GALK2: variants seen among roughly 807,000 people sequenced by gnomAD.
GALK2 encodes N-acetylgalactosamine kinase.
In GALK2, 36 loss-of-function variants were observed where a neutral mutation model predicts 52.4. The observed-to-expected ratio is 0.69, with a 90% CI of 0.53 to 0.91. The LOEUF (loss-of-function observed/expected upper bound fraction) is 0.91. GALK2 is among the 40% of genes least tolerant of loss of function. The pLI is 0.00. For missense variants in GALK2, 579 were observed against 559.1 expected (o/e 1.04, Z -0.36); for synonymous variants, 176 against 199.1 (o/e 0.88, Z 0.98).
chr15:49,225,873 T>C (rs907967843), intron 3 of GALK2, among the ~76,000 whole-genome samples: 2 of 152,332 alleles, frequency 1.3e-5, no homozygotes, highest in African/African-American at 4.8e-5. Flanking sequence ...TCTGAGAAAG[T>C]ACTCAGGCTG....
chr15:49,164,532 G>A (rs2084756041), intron 1 of GALK2, among the ~76,000 whole-genome samples: 1 of 151,982 alleles, frequency 6.6e-6, no homozygotes, highest in East Asian at 1.9e-4. Flanking sequence ...TGTAATCGCA[G>A]CACTTTGGGA....
chr15:49,180,882 A>G (rs1490468250), intron 1 of GALK2, among the ~76,000 whole-genome samples: 1 of 152,032 alleles, frequency 6.6e-6, no homozygotes, highest in African/African-American at 2.4e-5. Context: ...CTTACGGCTC[A>G]TATCATATTC....
chr15:49,234,411 A>G (rs769489776), intron 3 of GALK2, among the ~76,000 whole-genome samples: 4 of 152,158 alleles, frequency 2.6e-5, no homozygotes, highest in Non-Finnish European at 4.4e-5. Context: ...TAAAGATGCT[A>G]TATTTCATGC....
chr15:49,184,704 A>T (rs2086222094), intron 1 of GALK2, among the ~76,000 whole-genome samples: 1 of 152,210 alleles, frequency 6.6e-6, no homozygotes, highest in Admixed American at 6.5e-5. Context: ...AACTGATATT[A>T]ACACCAATTA....
chr15:49,217,504 A>G (rs2089473112), intron 3 of GALK2, among the ~76,000 whole-genome samples, 191 bp downstream of exon 3: 1 of 152,240 alleles, frequency 6.6e-6, no homozygotes, highest in African/African-American at 2.4e-5. Context: ...AGGAATATTT[A>G]TCAAAGACTT....
At position 49,170,874 on chromosome 15, in the gene GALK2, A is replaced by T. The variant is rs746684269; in HGVS notation, c.53+499A>T. Among the ~76,000 whole-genome samples the T allele has an allele frequency of 2.0e-4, 31 of 152,224 alleles. 1 individual carries two copies. In the East Asian group the frequency reaches 5.8e-3, roughly 29 times the overall value. Reference sequence around the variant, plus strand: ...ATTTGCTGGCAGTCCCTAGCTACACAGTAACTAATAGTTTAGTGATGTCTC... The same window carrying T: ...ATTTGCTGGCAGTCCCTAGCTACACTGTAACTAATAGTTTAGTGATGTCTC... On this transcript the variant is annotated intron_variant, in intron 1 of 9. Transcript: ENST00000560031.
intron 2 of GALK2, among the ~76,000 whole-genome samples, chr15:49,208,147 T>G (rs2088480027): frequency 6.6e-6 from 1 of 152,242 alleles, no homozygotes; most frequent in African/African-American, 2.4e-5. Context: ...TGTTTCAATT[T>G]CACTTAGTTC....
intron 5 of GALK2, among the ~76,000 whole-genome samples, chr15:49,251,368 A>G (rs2091592531): frequency 1.3e-5 from 2 of 152,176 alleles, no homozygotes; most frequent in African/African-American, 2.4e-5. Flanking sequence ...TCATGCATTC[A>G]TGATAAAAAC....
chr15:49,344,357 T>A (rs113787067), intron 3 of GALK2: 25 of 152,338 alleles, frequency 1.6e-4, no homozygotes, highest in African/African-American at 5.8e-4. Context: ...AATTTATGCA[T>A]TCAAGTTTTA....
intron 5 of GALK2, among the ~76,000 whole-genome samples, chr15:49,257,745 T>C (rs929856223): frequency 2.6e-5 from 4 of 152,008 alleles, no homozygotes; most frequent in African/African-American, 9.7e-5. Context: ...TGGGTAGAAG[T>C]AGGAAATACA....
At chr15:49,200,734 A>G (rs957259678) in intron 1 of GALK2, among the ~76,000 whole-genome samples, 5 of 152,162 alleles carry the variant, frequency 3.3e-5, no homozygotes, top group Admixed American at 1.3e-4. Context: ...GTGTTAAGCC[A>G]TCCAGTTTAT....
intron 1 of GALK2, among the ~76,000 whole-genome samples, chr15:49,162,219 T>C (rs958537922): frequency 6.6e-6 from 1 of 152,238 alleles, no homozygotes; most frequent in East Asian, 1.9e-4. Context: ...TCAGGAATTT[T>C]ATATAAATGG....
intron 5 of GALK2, among the ~76,000 whole-genome samples, chr15:49,257,187 C>T (rs1007419217): frequency 2.6e-5 from 4 of 152,068 alleles, no homozygotes; most frequent in African/African-American, 7.2e-5. Flanking sequence ...TGCTGGGTTC[C>T]GCCTAGTTGC....
intron 3 of GALK2, chr15:49,365,008 A>G (rs1040644058): frequency 2.6e-5 from 12 of 459,014 alleles, no homozygotes; most frequent in Non-Finnish European, 4.3e-5. Flanking sequence ...ATAAAAATAT[A>G]TATTTGCAAA....
chr15:49,259,610 G>C (rs1010219249), intron 5 of GALK2, among the ~76,000 whole-genome samples: 3 of 144,148 alleles, frequency 2.1e-5, no homozygotes, highest in African/African-American at 7.7e-5. Context: ...TTAAGTTTTA[G>C]GGTACATGTG....
intron 2 of GALK2, among the ~76,000 whole-genome samples, chr15:49,205,649 A>G (rs1391975914): frequency 6.6e-6 from 1 of 152,142 alleles, no homozygotes; most frequent in Non-Finnish European, 1.5e-5. Context: ...TCAGATGTAT[A>G]GACTGTGAAG....
At position 49,320,501 on chromosome 15, in the gene GALK2, G is replaced by T. The variant is rs1356001477; in HGVS notation, c.1169+696G>T. ...CCCAGGAAGGAGCTCAGTGACCCTG[G>T]GAGAACTGAAACTGGGAAAGTTCTC... On this transcript the variant is annotated intron_variant, in intron 9 of 9. Coordinates refer to ENST00000560031, the MANE Select transcript of GALK2 (RefSeq NM_002044.4). Among the ~76,000 whole-genome samples the T allele has an allele frequency of 2.0e-5, 3 of 152,176 alleles. No individual in the cohort carries two copies. In the East Asian group the frequency reaches 5.8e-4, roughly 29 times the overall value.
At chr15:49,217,057 G>A in intron 2 of GALK2, 133 bp from the exon 3 acceptor site, 1 of 666,108 alleles carries the variant, frequency 1.5e-6, no homozygotes, top group East Asian at 2.8e-5. Context: ...TGGCCATCTT[G>A]CTCTGCTTCC....
intron 5 of GALK2, among the ~76,000 whole-genome samples, chr15:49,258,831 A>G (rs200483020): frequency 7.1e-6 from 1 of 140,146 alleles, no homozygotes; most frequent in African/African-American, 2.8e-5. Context: ...TGTGTGTGTG[A>G]GAGAGAGAGA....
Sources: allele counts gnomAD v4.1 joint callset (sites outside exome capture counted in the v4.1 genomes callset), GRCh38; gene constraint gnomAD v4.1.1; transcripts MANE v1.5; gene names NCBI Gene and HGNC (gene_info 2026-07-23, HGNC 2026-07-21).